Variants in TBCEL observed in about 807,000 individuals in gnomAD.
TBCEL encodes tubulin-specific chaperone cofactor E-like protein.
Under a neutral mutation model 44.2 loss-of-function variants are expected in TBCEL, and 15 were observed. The ratio of observed to expected loss-of-function variants is 0.34; its 90% CI spans 0.23 to 0.52. The LOEUF is 0.52. TBCEL is among the 20% of genes least tolerant of loss of function. The probability of loss-of-function intolerance (pLI) is 0.95; values close to 1 mark genes in which losing one functional copy is unlikely to be tolerated. For synonymous variants in TBCEL, 171 were observed against 185.4 expected, an observed-to-expected ratio of 0.92 and a Z score of 0.63; for missense variants, 319 against 506.3, an observed-to-expected ratio of 0.63 and a Z score of 3.55.
intron 8 of TBCEL, among the ~76,000 whole-genome samples, chr11:121,072,639 T>G (rs1268519863): frequency 6.6e-6 from 1 of 152,124 alleles, no homozygotes; most frequent in Non-Finnish European, 1.5e-5. Context: ...TAGTATGAAT[T>G]GCTCTGTCTT....
chr11:121,065,114 T>C lies in TBCEL; in HGVS notation c.956+5029T>C, dbSNP rs1204060178. Among the ~76,000 whole-genome samples the C allele has an allele frequency of 2.0e-5, 3 of 152,278 alleles. No homozygotes were observed. The South Asian group carries it at 6.2e-4, about 32-fold the overall frequency. Reference sequence around the variant, plus strand: ...GTGCTGGGATTATAGGTGTGAGCCATTGCACCCGGCCCATACTTATTTTCT... The same window carrying C: ...GTGCTGGGATTATAGGTGTGAGCCACTGCACCCGGCCCATACTTATTTTCT... On this transcript the variant is annotated intron_variant, in intron 8 of 8. Coordinates refer to ENST00000683345, the MANE Select transcript of TBCEL (RefSeq NM_001363644.2).
chr11:121,053,287 C>T (rs769909815), intron 4 of TBCEL, among the ~76,000 whole-genome samples: 4 of 151,976 alleles, frequency 2.6e-5, no homozygotes, highest in East Asian at 1.9e-4. Context: ...TTTCTAAAGG[C>T]GACATAGGAA....
At chr11:121,078,474 C>A (rs1946069798) in intron 8 of TBCEL, among the ~76,000 whole-genome samples, 2 of 152,238 alleles carry the variant, frequency 1.3e-5, no homozygotes, top group African/African-American at 4.8e-5. Flanking sequence ...AGAGCTAGTG[C>A]ATATTCCTAG....
At chr11:121,068,400 A>G (rs1481667877) in intron 8 of TBCEL, among the ~76,000 whole-genome samples, 1 of 149,060 alleles carries the variant, frequency 6.7e-6, no homozygotes, top group Non-Finnish European at 1.5e-5. Context: ...TTTTTCTTTC[A>G]GTTCTACTTT....
intron 8 of TBCEL, among the ~76,000 whole-genome samples, chr11:121,071,130 TTTGCC>T (rs1945922987): frequency 6.6e-6 from 1 of 152,202 alleles, no homozygotes; most frequent in Non-Finnish European, 1.5e-5. Context: ...GTTTATTATT[TTTGCC>T]TTGCCCTTGA....
intron 8 of TBCEL, among the ~76,000 whole-genome samples, chr11:121,062,858 T>C (rs1022385103): frequency 6.6e-5 from 10 of 152,202 alleles, no homozygotes; most frequent in African/African-American, 2.4e-4. Flanking sequence ...CTGTCATCTC[T>C]AGACACCACA....
chr11:121,038,942 C>T (rs891179368), intron 2 of TBCEL, among the ~76,000 whole-genome samples: 1 of 152,144 alleles, frequency 6.6e-6, no homozygotes, highest in African/African-American at 2.4e-5. Flanking sequence ...GGTAAACAAA[C>T]TCTTAGTTGC....
At chr11:121,077,190 G>A (rs1946048652) in intron 8 of TBCEL, among the ~76,000 whole-genome samples, 1 of 151,876 alleles carries the variant, frequency 6.6e-6, no homozygotes, top group Admixed American at 6.6e-5. Flanking sequence ...TTTTCTGGAA[G>A]AGTTTGTGTA....
At chr11:121,055,023 C>T in intron 5 of TBCEL, 29 bp from the exon 6 acceptor site, 1 of 1,447,128 alleles carries the variant, frequency 6.9e-7, no homozygotes, top group South Asian at 1.7e-5. Flanking sequence ...CTGCTTTAAA[C>T]AATGAAATAT....
chr11:121,072,707 C>T lies in TBCEL; in HGVS notation c.956+12622C>T, dbSNP rs553492839. Reference sequence around the variant, plus strand: ...TCACCTCGTATTTTGTTGAAAAAAACTTTAAAATTTTAATGTCTGATTTGT... The same window carrying T: ...TCACCTCGTATTTTGTTGAAAAAAATTTTAAAATTTTAATGTCTGATTTGT... On this transcript the variant is annotated intron_variant, in intron 8 of 8. Transcript: ENST00000683345. Among the ~76,000 whole-genome samples, 5 of 152,176 alleles carry T rather than the reference C, an allele frequency of 3.3e-5. No homozygotes were observed. The South Asian group carries it at 1.0e-3, about 32-fold the overall frequency.
intron 1 of TBCEL, among the ~76,000 whole-genome samples, chr11:121,026,611 G>A (rs1478102145): frequency 2.6e-5 from 4 of 152,142 alleles, no homozygotes; most frequent in Non-Finnish European, 4.4e-5. Context: ...AATGCTTTAC[G>A]AAAACATTCT....
In TBCEL at chr11:121,047,496, A is replaced by G. The variant is rs1478304782; in HGVS notation, c.134-32A>G. On this transcript the variant is annotated intron_variant, in intron 3 of 8. Coordinates refer to ENST00000683345, the MANE Select transcript of TBCEL (RefSeq NM_001363644.2). ...ATATGTAGACAAGAATTTGGCTGATATAGAAAACATTTTGTGTCTCTCATC... is the reference window on the plus strand; with the variant it reads ...ATATGTAGACAAGAATTTGGCTGATGTAGAAAACATTTTGTGTCTCTCATC... 3 of 1,608,144 alleles carry G rather than the reference A, an allele frequency of 1.9e-6. No individual in the cohort carries two copies. In the African/African-American group the frequency reaches 4.0e-5, roughly 22 times the overall value.
rs369035999 is a variant in TBCEL at position 121,048,680 on chromosome 11, A to G, written c.273+1013A>G. On this transcript the variant is annotated intron_variant, in intron 4 of 8. Transcript: ENST00000683345. The stretch of plus-strand genomic sequence containing the variant: ...ATGACACTGTCCTGCATAAAGGCCT[A>G]CAGTTGCCTTTCTTTGCCTAGAAAC... Among the ~76,000 whole-genome samples, 8 of 152,028 alleles carry G rather than the reference A, an allele frequency of 5.3e-5. No homozygotes were observed. The East Asian group carries it at 1.4e-3, about 26-fold the overall frequency.
At chr11:121,064,212 G>C (rs1945775873) in intron 8 of TBCEL, among the ~76,000 whole-genome samples, 1 of 152,152 alleles carries the variant, frequency 6.6e-6, no homozygotes, top group South Asian at 2.1e-4. Context: ...ATCATGAGCT[G>C]TATTGTGTTT....
chr11:121,035,765 T>C (rs990522031), intron 1 of TBCEL: 1 of 152,222 alleles, frequency 6.6e-6, no homozygotes, highest in African/African-American at 2.4e-5. Flanking sequence ...GATTTTCTTC[T>C]GATGAAACCT....
chr11:121,062,001 G>A (rs1052407777), intron 8 of TBCEL, among the ~76,000 whole-genome samples: 4 of 151,714 alleles, frequency 2.6e-5, no homozygotes, highest in Non-Finnish European at 4.4e-5. Flanking sequence ...TGCAAACATT[G>A]TACAGCTGTA....
At chr11:121,048,803 T>A (rs1281614043) in intron 4 of TBCEL, among the ~76,000 whole-genome samples, 1 of 151,898 alleles carries the variant, frequency 6.6e-6, no homozygotes, top group Non-Finnish European at 1.5e-5. Flanking sequence ...TACTTGCAGC[T>A]CATGATAAAC....
At chr11:121,051,315 A>G (rs1340973456) in intron 4 of TBCEL, among the ~76,000 whole-genome samples, 1 of 151,724 alleles carries the variant, frequency 6.6e-6, no homozygotes, top group Non-Finnish European at 1.5e-5. Context: ...TCTATTTTTT[A>G]AAGCGTTTTC....
intron 2 of TBCEL, among the ~76,000 whole-genome samples, chr11:121,042,730 G>C (rs918951159): frequency 6.6e-6 from 1 of 152,108 alleles, no homozygotes; most frequent in African/African-American, 2.4e-5. Context: ...ATTCCACAAA[G>C]TCCAGTAGAT....
Sources: gnomAD v4.1 joint callset for allele counts (sites outside exome capture counted in the v4.1 genomes callset) on GRCh38, gnomAD v4.1.1 for gene constraint, MANE v1.5 for transcripts, NCBI Gene and HGNC (gene_info 2026-07-23, HGNC 2026-07-21) for gene names.